KAT6B: variants seen among roughly 807,000 people sequenced by gnomAD.
The protein encoded by KAT6B is lysine acetyltransferase 6B.
KAT6B carries 10 observed loss-of-function variants against 187.5 expected under a neutral mutation model. That is an observed-to-expected ratio of 0.05 (90% CI 0.03 to 0.09). KAT6B has a LOEUF of 0.09. Ranked by LOEUF, KAT6B falls within the 10% of genes least tolerant of loss-of-function variation. The pLI is 1.00. For synonymous variants in KAT6B, 861 were observed against 926.8 expected (o/e 0.93, Z 1.29); for missense variants, 1,952 against 2,558.9 (o/e 0.76, Z 5.12).
intron 3 of KAT6B, among the ~76,000 whole-genome samples, chr10:74,940,878 C>G (rs1849622138): frequency 6.6e-6 from 1 of 152,196 alleles, no homozygotes; most frequent in Admixed American, 6.5e-5. Context: ...TTAGACTCTT[C>G]TTAGCATAAA....
intron 3 of KAT6B, among the ~76,000 whole-genome samples, chr10:74,847,523 G>A (rs753509198): frequency 6.6e-5 from 10 of 152,106 alleles, no homozygotes; most frequent in Non-Finnish European, 1.2e-4. Flanking sequence ...AAGTAGCCGG[G>A]CATGGTGGTG....
intron 3 of KAT6B, among the ~76,000 whole-genome samples, chr10:74,853,288 A>G (rs527877875): frequency 7.9e-6 from 1 of 126,200 alleles, no homozygotes; most frequent in South Asian, 2.6e-4. Flanking sequence ...TGTCTGGCTA[A>G]TTTTTTTTTT....
chr10:75,004,753 G>A (rs1463360539), intron 13 of KAT6B, among the ~76,000 whole-genome samples: 1 of 152,130 alleles, frequency 6.6e-6, no homozygotes, highest in Non-Finnish European at 1.5e-5. Flanking sequence ...CCAGGCTGGA[G>A]TACAGTGGCG....
In KAT6B at chr10:75,031,284, T is replaced by C; in HGVS notation, c.*238T>C. 1.9e-6 allele frequency: 1 copy of C among 521,334 alleles called. No homozygotes were observed. Among genetic ancestry groups the C allele is most frequent in the Admixed American group, 3.3e-5 (1 of 30,664 alleles). The allele number at this position is 521,334 out of a possible 1,614,324, so 32.3% of individuals were successfully genotyped here. On this transcript the variant is annotated 3_prime_UTR_variant, in exon 18 of 18. Transcript: ENST00000287239. ...TCATTTCTGTTACTTTTATATAAAA[T>C]TCTCTGCAAAGGAAGGCCTCTCTTT... is the stretch of plus-strand genomic sequence containing the variant.
At chr10:74,947,749 ATTAAGT>A (rs1840052773) in intron 3 of KAT6B, among the ~76,000 whole-genome samples, 1 of 152,206 alleles carries the variant, frequency 6.6e-6, no homozygotes, top group South Asian at 2.1e-4. Flanking sequence ...GATCTAGGAA[ATTAAGT>A]TTAAAATCTT....
intron 3 of KAT6B, among the ~76,000 whole-genome samples, chr10:74,882,985 G>A (rs1844963385): frequency 6.6e-6 from 1 of 152,002 alleles, no homozygotes; most frequent in Non-Finnish European, 1.5e-5. Context: ...GTGAATAATA[G>A]TATATATATA....
chr10:75,020,909 G>C (rs1027515549), intron 14 of KAT6B, 96 bp downstream of exon 14: 34 of 1,103,442 alleles, frequency 3.1e-5, no homozygotes, highest in Non-Finnish European at 4.6e-5. Flanking sequence ...TAAAGACTGA[G>C]GTTCCCTAAC....
chr10:75,025,537 A>G (rs1052101983), intron 17 of KAT6B: 5 of 368,722 alleles, frequency 1.4e-5, no homozygotes, highest in African/African-American at 4.1e-5. Context: ...TGTTGACAAG[A>G]AACACATTAC....
At chr10:74,913,762 T>A (rs1564560183) in intron 3 of KAT6B, among the ~76,000 whole-genome samples, 1 of 152,050 alleles carries the variant, frequency 6.6e-6, no homozygotes, top group Non-Finnish European at 1.5e-5. Flanking sequence ...AGGCCAGGAG[T>A]AAACCGCCCT....
chr10:74,919,084 G>C (rs548790386), intron 3 of KAT6B, among the ~76,000 whole-genome samples: 1 of 151,978 alleles, frequency 6.6e-6, no homozygotes, highest in Non-Finnish European at 1.5e-5. Flanking sequence ...TGGGCCAGGC[G>C]TGGTGGCAGG....
chr10:74,944,800 C>T (rs1849989389), intron 3 of KAT6B, among the ~76,000 whole-genome samples: 1 of 122,866 alleles, frequency 8.1e-6, no homozygotes, highest in East Asian at 2.8e-4. Context: ...CAGAGCGAGA[C>T]TCCGTCTCAA....
chr10:74,898,163 G>C (rs1846116891), intron 3 of KAT6B, among the ~76,000 whole-genome samples: 1 of 152,182 alleles, frequency 6.6e-6, no homozygotes, highest in Non-Finnish European at 1.5e-5. Flanking sequence ...GGTACAAAAA[G>C]GGAAAAGCAC....
At chr10:74,882,427 T>C (rs1472146652) in intron 3 of KAT6B, among the ~76,000 whole-genome samples, 1 of 152,246 alleles carries the variant, frequency 6.6e-6, no homozygotes, top group Non-Finnish European at 1.5e-5. Context: ...AATTAAACTT[T>C]GTAAAAAAGA....
At chr10:74,980,427 G>T (rs372563714) in intron 10 of KAT6B, among the ~76,000 whole-genome samples, 1 of 152,114 alleles carries the variant, frequency 6.6e-6, no homozygotes, top group Non-Finnish European at 1.5e-5. Flanking sequence ...CGTAACTGGA[G>T]AAAATGCTAA....
chr10:74,952,104 C>T (rs1840355678), intron 3 of KAT6B, among the ~76,000 whole-genome samples: 1 of 152,130 alleles, frequency 6.6e-6, no homozygotes, highest in African/African-American at 2.4e-5. Context: ...TCTGTAATCC[C>T]AGCACTTTGG....
chr10:74,979,265 C>T lies in KAT6B; in HGVS notation c.2157C>T (p.Tyr719=), dbSNP rs1395317029. Residue 719 remains tyrosine (Y), a synonymous_variant, in exon 10 of 18, where the codon TAC becomes TAT. Transcript: ENST00000287239. ...CESGVEDCGR[Y]PSVIEFGKYE... ...GTGGGGTGGAAGACTGTGGCCGGTA[C>T]CCTTCTGTGATTGAATTTGGTAAAT... 1 of 1,613,642 alleles carries T rather than the reference C, an allele frequency of 6.2e-7. No individual in the cohort carries two copies. The highest frequency in any genetic ancestry group is 8.5e-7 in the Non-Finnish European group (1 of 1,179,868).
chr10:74,871,249 A>G (rs1163963364), intron 3 of KAT6B, among the ~76,000 whole-genome samples: 2 of 125,120 alleles, frequency 1.6e-5, no homozygotes, highest in Admixed American at 1.1e-4. Flanking sequence ...CTGGAGTGCT[A>G]TGGTGCCATC....
chr10:74,843,977 G>A (rs570077538), intron 3 of KAT6B, among the ~76,000 whole-genome samples: 61 of 152,052 alleles, frequency 4.0e-4, no homozygotes, highest in Middle Eastern at 3.4e-3. Context: ...AGGTTTAAGC[G>A]ATTCTCCTGC....
chr10:74,875,550 C>T (rs1407120435), intron 3 of KAT6B, among the ~76,000 whole-genome samples: 1 of 151,428 alleles, frequency 6.6e-6, no homozygotes, highest in African/African-American at 2.4e-5. Flanking sequence ...ATGGCAACCT[C>T]CACTTCTTGG....
Sources: gnomAD v4.1 joint callset for allele counts (sites outside exome capture counted in the v4.1 genomes callset) on GRCh38, gnomAD v4.1.1 for gene constraint, MANE v1.5 for transcripts, NCBI Gene and HGNC (gene_info 2026-07-23, HGNC 2026-07-21) for gene names.